MYO1D: variants seen among roughly 807,000 people sequenced by gnomAD.
The protein encoded by MYO1D is myosin ID, also known as unconventional myosin-Id.
In MYO1D, 83 loss-of-function variants were observed where a neutral mutation model predicts 122.0. The ratio of observed to expected loss-of-function variants is 0.68; its 90% CI spans 0.57 to 0.82. The LOEUF (loss-of-function observed/expected upper bound fraction) is 0.82, where lower values mean the gene tolerates loss of function less well. Ranked by LOEUF, MYO1D falls within the 40% of genes least tolerant of loss-of-function variation. The probability of loss-of-function intolerance (pLI) is 0.00; values close to 1 mark genes in which losing one functional copy is unlikely to be tolerated. For synonymous variants in MYO1D, 464 were observed against 446.9 expected, an observed-to-expected ratio of 1.04 and a Z score of -0.48; for missense variants, 1,157 against 1,269.5, an observed-to-expected ratio of 0.91 and a Z score of 1.35.
rs140996637 is a variant in MYO1D at position 32,636,191 on chromosome 17, C to G, written c.2709+2531G>C. On this transcript the variant is annotated intron_variant, in intron 20 of 21. Coordinates refer to ENST00000318217, the MANE Select transcript of MYO1D (RefSeq NM_015194.3). ...ATCTGAAGTGATGAATTCTTTCCCA[C>G]TCTATACCATCAGACTTCCAACTAT... Among the ~76,000 whole-genome samples the G allele has an allele frequency of 2.7e-3, 406 of 152,264 alleles. 2 individuals are homozygous for G. The highest frequency in any genetic ancestry group is 9.5e-3 in the African/African-American group (394 of 41,558).
chr17:32,844,254 ATAATATG>A (rs1341368944), intron 1 of MYO1D, among the ~76,000 whole-genome samples: 1 of 146,976 alleles, frequency 6.8e-6, no homozygotes, highest in African/African-American at 2.5e-5. Flanking sequence ...TATATAATAT[ATAATATG>A]TATATATCAT....
intron 13 of MYO1D, 139 bp from the exon 14 acceptor site, chr17:32,738,524 G>A (rs1449854374): frequency 5.8e-6 from 5 of 856,032 alleles, no homozygotes; most frequent in Admixed American, 7.9e-5. Flanking sequence ...TTGGAATGAT[G>A]ATTCCATCCA....
At chr17:32,810,797 T>C (rs937736990) in intron 1 of MYO1D, among the ~76,000 whole-genome samples, 16 of 152,192 alleles carry the variant, frequency 1.1e-4, no homozygotes, top group Admixed American at 7.9e-4. Context: ...AATAACTCTG[T>C]CCACTTATCA....
At chr17:32,744,998 G>A (rs567558547) in intron 13 of MYO1D, among the ~76,000 whole-genome samples, 1 of 152,294 alleles carries the variant, frequency 6.6e-6, no homozygotes, top group South Asian at 2.1e-4. Flanking sequence ...CAACCCAAGG[G>A]AAATCAAAGC....
At chr17:32,764,808 G>T in intron 8 of MYO1D, 70 bp downstream of exon 8, 2 of 1,476,418 alleles carry the variant, frequency 1.4e-6, no homozygotes, top group Non-Finnish European at 1.9e-6. Flanking sequence ...CTGAATACAT[G>T]CTCACAGGAT....
intron 1 of MYO1D, among the ~76,000 whole-genome samples, chr17:32,803,212 T>C (rs1344048063): frequency 6.6e-6 from 1 of 152,180 alleles, no homozygotes; most frequent in Non-Finnish European, 1.5e-5. Context: ...AGTGGCGTGA[T>C]CTCGGCTCAC....
intron 21 of MYO1D, among the ~76,000 whole-genome samples, chr17:32,495,280 G>C (rs1157121302): frequency 6.6e-6 from 1 of 152,218 alleles, no homozygotes; most frequent in Non-Finnish European, 1.5e-5. Context: ...TCCATCCTGC[G>C]GGAGACCCGT....
intron 1 of MYO1D, among the ~76,000 whole-genome samples, chr17:32,802,513 C>A (rs1465309431): frequency 3.3e-5 from 5 of 152,106 alleles, no homozygotes. Context: ...ACTAATCTGA[C>A]AAAGATTAAT....
Position 32,687,018 on chromosome 17 carries a change from GAAC to G in MYO1D, c.2121+24967_2121+24969del, listed in dbSNP as rs1249980621. Among the ~76,000 whole-genome samples the G allele has an allele frequency of 2.1e-5, 3 of 145,236 alleles. No homozygotes were observed. In the East Asian group the frequency reaches 6.1e-4, roughly 29 times the overall value. ...ACACACACACACACCAAAAAACAAA[GAAC>G]AAAAACTAAATACACAGGTACTTAC... is the stretch of plus-strand genomic sequence containing the variant. On this transcript the variant is annotated intron_variant, in intron 16 of 21. Coordinates refer to ENST00000318217, the MANE Select transcript of MYO1D (RefSeq NM_015194.3).
chr17:32,504,302 A>G (rs9892116), intron 21 of MYO1D, among the ~76,000 whole-genome samples: 7,042 of 151,996 alleles, frequency 0.046, 543 homozygotes, highest in African/African-American at 0.16. Flanking sequence ...CCCCTCCCCC[A>G]TGGCACTCTC....
rs770321988 is a variant in MYO1D at position 32,775,928 on chromosome 17, T to C, written c.500A>G (p.Asp167Gly). ...DNSSRFGKYM[D>G]INFDFKGDPI... is the part of the protein sequence containing the mutation. The stretch of plus-strand genomic sequence containing the variant: ...GTCACCCTTGAAGTCAAAGTTGATA[T>C]CCATGTATTTTCCAAACCTGCTTGA... The change falls in exon 4 of 22, where the codon GAT (aspartate) becomes GGT (glycine). Residue 167 changes from aspartate to glycine, a missense_variant. Physicochemically the swap from Asp to Gly is moderately conservative, Grantham distance 94 (BLOSUM62 -1). Coordinates refer to ENST00000318217, the MANE Select transcript of MYO1D (RefSeq NM_015194.3). The C allele has an allele frequency of 1.9e-6, 3 of 1,613,914 alleles. No homozygotes were observed. The highest frequency in any genetic ancestry group is 2.5e-6 in the Non-Finnish European group (3 of 1,179,862).
intron 21 of MYO1D, among the ~76,000 whole-genome samples, chr17:32,537,528 T>C (rs1360286972): frequency 1.3e-5 from 2 of 152,258 alleles, no homozygotes; most frequent in Non-Finnish European, 1.5e-5. Context: ...TAGAGTGATG[T>C]CAAAGAGCAG....
rs540129129 is a variant in MYO1D at position 32,634,696 on chromosome 17, C to A, written c.2709+4026G>T. On this transcript the variant is annotated intron_variant, in intron 20 of 21. Coordinates refer to ENST00000318217, the MANE Select transcript of MYO1D (RefSeq NM_015194.3). Reference sequence around the variant, plus strand: ...AATTGCAACATCAGCTGAGTTTTCACCCATCCTGGAGATTCATGAGCACAA... The same window carrying A: ...AATTGCAACATCAGCTGAGTTTTCAACCATCCTGGAGATTCATGAGCACAA... 2.7e-4 allele frequency among the ~76,000 whole-genome samples: 41 copies of A among 152,278 alleles called. 1 individual carries two copies. Among genetic ancestry groups the A allele is most frequent in the African/African-American group, 9.4e-4 (39 of 41,552 alleles).
rs769821119 is a variant in MYO1D at position 32,535,475 on chromosome 17, C to T, written c.2865-40560G>A. 7.1e-4 allele frequency among the ~76,000 whole-genome samples: 108 copies of T among 152,320 alleles called. 1 individual carries two copies. Among genetic ancestry groups the T allele is most frequent in the Admixed American group, 7.8e-4 (12 of 15,302 alleles). On this transcript the variant is annotated intron_variant, in intron 21 of 21. Transcript: ENST00000318217. ...AATACATTGTACTTGTGGCCGGGCG[C>T]GGTGGCTCACGCCTATAATCCCAGC...
At chr17:32,738,529 C>CA in intron 13 of MYO1D, 144 bp from the exon 14 acceptor site, 2 of 847,386 alleles carry the variant, frequency 2.4e-6, no homozygotes, top group Non-Finnish European at 3.3e-6. Context: ...ATGATGATTC[C>CA]ATCCAGAAAA....
chr17:32,589,143 C>T (rs1457137778), intron 21 of MYO1D, among the ~76,000 whole-genome samples: 1 of 152,178 alleles, frequency 6.6e-6, no homozygotes, highest in Non-Finnish European at 1.5e-5. Context: ...TTAGGTCACA[C>T]AAAATCAACA....
chr17:32,558,074 T>C (rs2087083909), intron 21 of MYO1D, among the ~76,000 whole-genome samples: 1 of 152,150 alleles, frequency 6.6e-6, no homozygotes, highest in South Asian at 2.1e-4. Flanking sequence ...TGCAAAGTCA[T>C]CTTGGGGGTG....
intron 1 of MYO1D, among the ~76,000 whole-genome samples, chr17:32,848,976 G>T: frequency 6.6e-6 from 1 of 152,204 alleles, no homozygotes; most frequent in East Asian, 1.9e-4. Context: ...AGTATAAGAA[G>T]AAATAAATTG....
At chr17:32,706,159 G>A (rs191748820) in intron 16 of MYO1D, among the ~76,000 whole-genome samples, 51 of 152,300 alleles carry the variant, frequency 3.3e-4, no homozygotes, top group Middle Eastern at 3.4e-3. Context: ...CCAGGCTGGA[G>A]TGCAGTGGCA....
Sources: gnomAD v4.1 joint callset for allele counts (sites outside exome capture counted in the v4.1 genomes callset) on GRCh38, gnomAD v4.1.1 for gene constraint, MANE v1.5 for transcripts, NCBI Gene and HGNC (gene_info 2026-07-23, HGNC 2026-07-21) for gene names.